DCDC2: variants seen among roughly 807,000 people sequenced by gnomAD.
DCDC2 encodes doublecortin domain containing 2, also known as doublecortin domain-containing protein 2.
In DCDC2, 40 loss-of-function variants were observed where a neutral mutation model predicts 50.2. That is an observed-to-expected ratio of 0.80 (90% CI 0.62 to 1.04). The LOEUF (loss-of-function observed/expected upper bound fraction) is 1.04. Ranked by LOEUF, DCDC2 falls within the 50% of genes least tolerant of loss-of-function variation. The pLI is 0.00. For missense variants in DCDC2, 570 were observed against 581.9 expected (o/e 0.98, Z 0.21); for synonymous variants, 234 against 210.6 (o/e 1.11, Z -0.96).
chr6:24,265,496 T>C (rs1200091582), intron 7 of DCDC2, among the ~76,000 whole-genome samples: 5 of 152,056 alleles, frequency 3.3e-5, no homozygotes, highest in Admixed American at 2.0e-4. Context: ...TTCTCAAGGA[T>C]AGATCATATG....
At chr6:24,302,370 C>T (rs890379172) in intron 2 of DCDC2, among the ~76,000 whole-genome samples, 4 of 151,068 alleles carry the variant, frequency 2.6e-5, no homozygotes, top group Admixed American at 6.6e-5. Context: ...TTCTGAAAAA[C>T]AACAAAATAA....
At chr6:24,184,702 C>A (rs1761153915) in intron 8 of DCDC2, among the ~76,000 whole-genome samples, 1 of 152,122 alleles carries the variant, frequency 6.6e-6, no homozygotes, top group Non-Finnish European at 1.5e-5. Flanking sequence ...GTACCTGAAG[C>A]AGTATATAAC....
At chr6:24,301,049 C>CT (rs1759359555) in intron 4 of DCDC2, among the ~76,000 whole-genome samples, 1 of 39,664 alleles carries the variant, frequency 2.5e-5, no homozygotes, top group Non-Finnish European at 4.6e-5. Context: ...TAAATGACCC[C>CT]TTTAAAAAAA....
intron 8 of DCDC2, among the ~76,000 whole-genome samples, chr6:24,203,022 G>T (rs78618040): frequency 2.0e-5 from 3 of 152,190 alleles, no homozygotes; most frequent in Non-Finnish European, 4.4e-5. Flanking sequence ...CATTCTTGTG[G>T]ATAGGAAGAA....
chr6:24,229,028 G>C (rs934484783), intron 7 of DCDC2, among the ~76,000 whole-genome samples: 1 of 152,188 alleles, frequency 6.6e-6, no homozygotes, highest in East Asian at 1.9e-4. Context: ...AAGTAGATGC[G>C]TTGTGAAAAC....
At chr6:24,177,222 G>C (rs1215058040) in intron 9 of DCDC2, among the ~76,000 whole-genome samples, 1 of 152,144 alleles carries the variant, frequency 6.6e-6, no homozygotes, top group Non-Finnish European at 1.5e-5. Flanking sequence ...TTATAGAATA[G>C]GACTATGATT....
chr6:24,232,783 AAAT>A (rs1459902019), intron 7 of DCDC2, among the ~76,000 whole-genome samples: 2 of 152,186 alleles, frequency 1.3e-5, no homozygotes, highest in African/African-American at 4.8e-5. Flanking sequence ...AGTGCTCAAT[AAAT>A]AATGGATAAA....
chr6:24,297,183 G>A (rs1482771699), intron 4 of DCDC2, among the ~76,000 whole-genome samples: 4 of 152,116 alleles, frequency 2.6e-5, no homozygotes, highest in African/African-American at 9.7e-5. Context: ...AGAGCTGGAG[G>A]CCATCATCCT....
At chr6:24,208,457 G>A (rs1043518056) in intron 7 of DCDC2, among the ~76,000 whole-genome samples, 5 of 134,574 alleles carry the variant, frequency 3.7e-5, no homozygotes, top group African/African-American at 5.7e-5. Context: ...CGCAAGCTCC[G>A]CCTCCCAGGT....
intron 6 of DCDC2, among the ~76,000 whole-genome samples, chr6:24,283,142 G>T (rs1763515038): frequency 6.6e-6 from 1 of 152,186 alleles, no homozygotes; most frequent in South Asian, 2.1e-4. Flanking sequence ...AGGGTGCTAT[G>T]ATTCTACATG....
rs531355118 is a variant in DCDC2 at position 24,262,655 on chromosome 6, T to C, written c.922+15394A>G. The stretch of plus-strand genomic sequence containing the variant: ...GGAGTAAAGAAGACTGTCTTGCAAC[T>C]TGTACACCAGCTCAGCCACAGTAGG... On this transcript the variant is annotated intron_variant, in intron 7 of 9. Coordinates refer to ENST00000378454, the MANE Select transcript of DCDC2 (RefSeq NM_016356.5). Among the ~76,000 whole-genome samples the C allele has an allele frequency of 3.9e-5, 6 of 152,264 alleles. No homozygotes were observed. The South Asian group carries it at 1.2e-3, about 32-fold the overall frequency.
intron 7 of DCDC2, among the ~76,000 whole-genome samples, chr6:24,270,119 T>C (rs1240474884): frequency 6.6e-6 from 1 of 152,092 alleles, no homozygotes; most frequent in East Asian, 1.9e-4. Flanking sequence ...CACGAGAGCT[T>C]CCCTCACTTG....
chr6:24,240,199 C>G (rs559399395), intron 7 of DCDC2, among the ~76,000 whole-genome samples: 1 of 152,210 alleles, frequency 6.6e-6, no homozygotes, highest in Non-Finnish European at 1.5e-5. Flanking sequence ...ACAATAGGTA[C>G]CAGCTGAAAA....
chr6:24,370,970 G>C, the DCDC2 span, among the ~76,000 whole-genome samples: 2 of 151,976 alleles, frequency 1.3e-5, no homozygotes, highest in African/African-American at 4.8e-5. Flanking sequence ...TTAGCAAACT[G>C]TACAACCAAT....
chr6:24,188,257 C>T (rs1276559856), intron 8 of DCDC2, among the ~76,000 whole-genome samples: 3 of 152,194 alleles, frequency 2.0e-5, no homozygotes, highest in African/African-American at 7.2e-5. Context: ...ATGCAATATG[C>T]TCATGAATAT....
At chr6:24,257,156 G>C (rs577848278) in intron 7 of DCDC2, among the ~76,000 whole-genome samples, 1 of 152,214 alleles carries the variant, frequency 6.6e-6, no homozygotes, top group African/African-American at 2.4e-5. Context: ...TAATCTCTGT[G>C]CCACTGGAAA....
intron 7 of DCDC2, among the ~76,000 whole-genome samples, chr6:24,252,649 A>T (rs1246157272): frequency 6.6e-6 from 1 of 152,200 alleles, no homozygotes; most frequent in Non-Finnish European, 1.5e-5. Context: ...TGAGGGGAGG[A>T]TGAGCCTAGA....
intron 7 of DCDC2, among the ~76,000 whole-genome samples, chr6:24,245,564 T>C (rs1762651618): frequency 6.6e-6 from 1 of 152,198 alleles, no homozygotes; most frequent in African/African-American, 2.4e-5. Flanking sequence ...AAAGTTCCCA[T>C]GGCCTCACCT....
intron 8 of DCDC2, among the ~76,000 whole-genome samples, chr6:24,201,133 C>T (rs1278200229): frequency 6.6e-6 from 1 of 152,098 alleles, no homozygotes; most frequent in Non-Finnish European, 1.5e-5. Flanking sequence ...AGGACTTGAA[C>T]TCAGCTCAAC....
Sources: gnomAD v4.1 joint callset for allele counts (sites outside exome capture counted in the v4.1 genomes callset) on GRCh38, gnomAD v4.1.1 for gene constraint, MANE v1.5 for transcripts, NCBI Gene and HGNC (gene_info 2026-07-23, HGNC 2026-07-21) for gene names.